LTF: variants seen among roughly 807,000 people sequenced by gnomAD.
The protein encoded by LTF is lactotransferrin, also known as epididymis luminal protein 110.
In LTF, 91 loss-of-function variants were observed where a neutral mutation model predicts 87.2. The ratio of observed to expected loss-of-function variants is 1.04; its 90% CI spans 0.88 to 1.24. LTF has a LOEUF of 1.24. LTF is among the 50% of genes most tolerant of loss of function. The pLI, the probability that LTF is intolerant of heterozygous loss-of-function variation, is 0.00. For missense variants in LTF, 901 were observed against 904.3 expected (o/e 1.00, Z 0.05); for synonymous variants, 378 against 356.1 (o/e 1.06, Z -0.69).
chr3:46,448,814 T>A, intron 9 of LTF, 49 bp downstream of exon 9: 3 of 1,597,866 alleles, frequency 1.9e-6, no homozygotes, highest in Non-Finnish European at 2.6e-6. Flanking sequence ...GCCCAGGCCC[T>A]AGGTCTTCCA....
intron 9 of LTF, among the ~76,000 whole-genome samples, chr3:46,447,645 C>T (rs1412292147): frequency 6.6e-6 from 1 of 152,226 alleles, no homozygotes; most frequent in Non-Finnish European, 1.5e-5. Context: ...AATCCTCTGT[C>T]CTCTGAGCAA....
chr3:46,462,462 A>C (rs571849574), intron 1 of LTF, among the ~76,000 whole-genome samples: 2 of 152,296 alleles, frequency 1.3e-5, no homozygotes, highest in Non-Finnish European at 2.9e-5. Context: ...ATAGCTAATA[A>C]GTAAGTGTTG....
chr3:46,464,154 A>AG (rs1253267037), intron 1 of LTF, among the ~76,000 whole-genome samples: 1 of 152,084 alleles, frequency 6.6e-6, no homozygotes, highest in Non-Finnish European at 1.5e-5. Flanking sequence ...AGCGCTGGGG[A>AG]GTGCCCTCTG....
At position 46,448,994 on chromosome 3, in the gene LTF, G is replaced by T; in HGVS notation, c.1081C>A (p.Arg361Ser). ...ACCGCACACCACACGACCCGCGCACGCCGGGCAGCCACTTCCTCCTCACCT... is the reference window on the plus strand; with the variant it reads ...ACCGCACACCACACGACCCGCGCACTCCGGGCAGCCACTTCCTCCTCACCT... ...RKSEEEVAAR[R>S]ARVVWCAVGE... Residue 361 changes from arginine (R) to serine (S), a missense_variant, in exon 9 of 17, where the codon CGT (arginine) becomes AGT (serine). Physicochemically the swap from Arg to Ser is moderately radical, Grantham distance 110 (BLOSUM62 -1). Transcript: ENST00000231751. The T allele has an allele frequency of 6.2e-7, 1 of 1,609,818 alleles. No individual in the cohort carries two copies. Among genetic ancestry groups the T allele is most frequent in the South Asian group, 1.1e-5 (1 of 90,724 alleles).
rs1468146058 is a variant in LTF at position 46,472,772 on chromosome 3, ATGT to A, written c.-319-2309_-319-2307del. On this transcript the variant is annotated intron_variant, in intron 1 of 19. Coordinates refer to the LTF transcript ENST00000443496. ...GGAGAGCAATGCCTCTGAACCAATAATGTTGTTGCTAAATGTTGCCCCATTTGT... is the reference window on the plus strand; with the variant it reads ...GGAGAGCAATGCCTCTGAACCAATAATGTTGCTAAATGTTGCCCCATTTGT... 1.1e-4 allele frequency among the ~76,000 whole-genome samples: 16 copies of A among 152,070 alleles called. No individual in the cohort carries two copies. In the East Asian group the frequency reaches 2.9e-3, roughly 28 times the overall value.
upstream of LTF, among the ~76,000 whole-genome samples, chr3:46,466,264 C>A (rs1703211271): frequency 6.6e-6 from 1 of 151,644 alleles, no homozygotes; most frequent in Non-Finnish European, 1.5e-5. Context: ...AAAAGGGTAA[C>A]TAAGTGAAGA....
chr3:46,447,378 C>G lies in LTF; in HGVS notation c.1233G>C (p.Met411Ile), dbSNP rs768363696. The change falls in exon 10 of 17, where the codon ATG (methionine) becomes ATC (isoleucine). Residue 411 changes from methionine to isoleucine, a missense_variant. By Grantham distance (10) the Met-to-Ile change is conservative. Transcript: ENST00000231751. ...ALVLKGEADA[M>I]SLDGGYVYTA... ...TGTACACATATCCTCCATCCAAACT[C>G]ATGGCATCAGCTTCTCCTTTCTGCA... The G allele has an allele frequency of 6.2e-7, 1 of 1,614,130 alleles. No individual in the cohort carries two copies. The highest frequency in any genetic ancestry group is 8.5e-7 in the Non-Finnish European group (1 of 1,179,960).
chr3:46,436,969 G>A (rs1702400511), intron 16 of LTF, among the ~76,000 whole-genome samples: 1 of 152,092 alleles, frequency 6.6e-6, no homozygotes, highest in South Asian at 2.1e-4. Context: ...TTCTCACATT[G>A]TCAAATATCC....
intron 14 of LTF, 101 bp from the exon 15 acceptor site, chr3:46,439,581 A>C: frequency 1.0e-6 from 1 of 970,234 alleles, no homozygotes; most frequent in East Asian, 2.6e-5. Flanking sequence ...CCAAATGCAC[A>C]CACTGGGGTT....
At chr3:46,470,338 G>A (rs1009845327) in intron 2 of LTF, 3 of 152,454 alleles carry the variant, frequency 2.0e-5, no homozygotes, top group Non-Finnish European at 4.4e-5. Flanking sequence ...CCTGGCCCAG[G>A]GAAAGTTCCA....
At chr3:46,448,777 T>C in intron 9 of LTF, 86 bp downstream of exon 9, 1 of 1,527,484 alleles carries the variant, frequency 6.5e-7, no homozygotes, top group South Asian at 1.2e-5. Flanking sequence ...GTGGCCTCTT[T>C]GACTGTTGAC....
At chr3:46,468,195 C>T, upstream of LTF, 1 of 456,714 alleles carries the variant, frequency 2.2e-6, no homozygotes, top group South Asian at 1.5e-5. Flanking sequence ...TAGTGAGGGT[C>T]AGGGCTGCCT....
intron 13 of LTF, among the ~76,000 whole-genome samples, chr3:46,442,575 C>T (rs1702549972): frequency 6.6e-6 from 1 of 151,310 alleles, no homozygotes; most frequent in Non-Finnish European, 1.5e-5. Context: ...AGTAGAATCA[C>T]ATTTCCATTT....
intron 12 of LTF, 92 bp downstream of exon 12, chr3:46,445,189 C>A: frequency 2.3e-6 from 3 of 1,329,430 alleles, no homozygotes; most frequent in East Asian, 2.5e-5. Flanking sequence ...TATCAGCCTG[C>A]AAATCCCCTC....
intron 1 of LTF, among the ~76,000 whole-genome samples, chr3:46,461,297 T>C (rs1703075949): frequency 6.6e-6 from 1 of 152,268 alleles, no homozygotes; most frequent in African/African-American, 2.4e-5. Context: ...ATTGCACTTC[T>C]AGGCATATAG....
In LTF at chr3:46,464,811, G is replaced by A; in HGVS notation, c.43+14C>T. On this transcript the variant is annotated intron_variant, in intron 1 of 16. Transcript: ENST00000231751. ...CCCATCAGGCGGCTCGCGCCCCCAG[G>A]CACCTGCACTCACCGAGGGCCCCGA... is the stretch of plus-strand genomic sequence containing the variant. The A allele has an allele frequency of 6.2e-7, 1 of 1,613,922 alleles. No individual in the cohort carries two copies. Among genetic ancestry groups the A allele is most frequent in the Non-Finnish European group, 8.5e-7 (1 of 1,179,934 alleles).
At chr3:46,438,211 C>G (rs578176493) in intron 15 of LTF, 82 bp from the exon 16 acceptor site, 1 of 1,154,506 alleles carries the variant, frequency 8.7e-7, no homozygotes, top group Admixed American at 2.0e-5. Flanking sequence ...ATTTCTTCCA[C>G]CCAAGAACAG....
chr3:46,483,466 A>C (rs1703477479), intron 1 of LTF, among the ~76,000 whole-genome samples: 1 of 152,234 alleles, frequency 6.6e-6, no homozygotes, highest in African/African-American at 2.4e-5. Flanking sequence ...GCTGCCCACG[A>C]CAATATGGTT....
intron 1 of LTF, among the ~76,000 whole-genome samples, chr3:46,464,477 A>C (rs1271086407): frequency 6.6e-6 from 1 of 152,146 alleles, no homozygotes; most frequent in Non-Finnish European, 1.5e-5. Flanking sequence ...CTAGTCGCTC[A>C]CCCTCTCTGA....
Sources: allele counts gnomAD v4.1 joint callset (sites outside exome capture counted in the v4.1 genomes callset), GRCh38; gene constraint gnomAD v4.1.1; transcripts MANE v1.5; gene names NCBI Gene and HGNC (gene_info 2026-07-23, HGNC 2026-07-21).